The following CNTN3 variants were observed in gnomAD, a reference collection of about 807,000 sequenced individuals.
CNTN3 encodes the protein contactin-3.
In CNTN3, 60 loss-of-function variants were observed where a neutral mutation model predicts 119.1. That is an observed-to-expected ratio of 0.50 (90% CI 0.41 to 0.62). The LOEUF (loss-of-function observed/expected upper bound fraction) is 0.62, where lower values mean the gene tolerates loss of function less well. CNTN3 is among the 20% of genes least tolerant of loss of function. CNTN3 has a pLI of 0.00. For synonymous variants in CNTN3, 450 were observed against 438.7 expected (o/e 1.03, Z -0.32); for missense variants, 1,101 against 1,242.4 (o/e 0.89, Z 1.71).
At chr3:74,448,557 C>A (rs980828494) in intron 4 of CNTN3, among the ~76,000 whole-genome samples, 1 of 152,040 alleles carries the variant, frequency 6.6e-6, no homozygotes, top group African/African-American at 2.4e-5. Context: ...CACCTGCTAA[C>A]CTGAGGAACT....
At chr3:74,550,624 G>C (rs1345015307) in intron 1 of CNTN3, among the ~76,000 whole-genome samples, 1 of 152,058 alleles carries the variant, frequency 6.6e-6, no homozygotes, top group African/African-American at 2.4e-5. Context: ...CTACAGCCTT[G>C]AGCTCCTCAA....
At chr3:74,515,503 A>C (rs921912739) in intron 2 of CNTN3, among the ~76,000 whole-genome samples, 2 of 152,048 alleles carry the variant, frequency 1.3e-5, no homozygotes, top group African/African-American at 4.8e-5. Context: ...CAGTCTCCCA[A>C]ATACTCAGTA....
At chr3:74,461,977 T>C (rs1442885427) in intron 4 of CNTN3, among the ~76,000 whole-genome samples, 5 of 152,040 alleles carry the variant, frequency 3.3e-5, no homozygotes, top group African/African-American at 9.7e-5. Flanking sequence ...CCATTGGGGA[T>C]TGGAGGTGGG....
At chr3:74,468,106 G>T (rs537377420) in intron 4 of CNTN3, among the ~76,000 whole-genome samples, 35 of 152,222 alleles carry the variant, frequency 2.3e-4, no homozygotes, top group African/African-American at 7.5e-4. Flanking sequence ...CAATAAGAAT[G>T]GATTTCACAG....
chr3:74,540,120 T>C (rs1277114828), intron 1 of CNTN3, among the ~76,000 whole-genome samples: 1 of 152,056 alleles, frequency 6.6e-6, no homozygotes, highest in Non-Finnish European at 1.5e-5. Context: ...TTTGAAGAAG[T>C]ATATAGCTGA....
intron 20 of CNTN3, among the ~76,000 whole-genome samples, chr3:74,283,948 T>C (rs7644406): frequency 0.018 from 2,699 of 152,244 alleles, 65 homozygotes; most frequent in African/African-American, 0.059. Flanking sequence ...GTCGGTTGCT[T>C]ACAAATGGGT....
At chr3:74,509,036 G>A (rs533534874) in intron 2 of CNTN3, among the ~76,000 whole-genome samples, 1 of 152,274 alleles carries the variant, frequency 6.6e-6, no homozygotes, top group African/African-American at 2.4e-5. Flanking sequence ...AGGGAGAAGA[G>A]AAATACTGTG....
chr3:74,278,196 C>A (rs921248665), intron 20 of CNTN3, among the ~76,000 whole-genome samples: 5 of 152,084 alleles, frequency 3.3e-5, no homozygotes, highest in African/African-American at 1.2e-4. Context: ...CTACCAAAAA[C>A]AATCTACAAA....
intron 5 of CNTN3, among the ~76,000 whole-genome samples, chr3:74,398,277 A>G (rs1046978923): frequency 6.6e-6 from 1 of 152,184 alleles, no homozygotes; most frequent in Non-Finnish European, 1.5e-5. Context: ...TATTTTAAGA[A>G]ACTGCCACAA....
intron 11 of CNTN3, among the ~76,000 whole-genome samples, chr3:74,339,132 T>G (rs1703468666): frequency 6.6e-6 from 1 of 152,244 alleles, no homozygotes; most frequent in Non-Finnish European, 1.5e-5. Context: ...ATATGGAGAC[T>G]GGAAGTTTTA....
At chr3:74,400,036 A>C (rs1705154159) in intron 5 of CNTN3, among the ~76,000 whole-genome samples, 1 of 152,222 alleles carries the variant, frequency 6.6e-6, no homozygotes, top group African/African-American at 2.4e-5. Flanking sequence ...GTTACACTGA[A>C]GGAATCTTTT....
At chr3:74,336,386 T>A in intron 12 of CNTN3, 145 bp downstream of exon 12, 1 of 833,582 alleles carries the variant, frequency 1.2e-6, no homozygotes, top group Non-Finnish European at 1.9e-6. Context: ...CCCTTGACTT[T>A]CACCTGTTAA....
chr3:74,363,440 C>T (rs981387402), intron 10 of CNTN3, among the ~76,000 whole-genome samples: 2 of 152,126 alleles, frequency 1.3e-5, no homozygotes, highest in African/African-American at 2.4e-5. Flanking sequence ...CACACTGGTC[C>T]TCTACCTCTC....
chr3:74,346,175 A>G (rs886535347), intron 11 of CNTN3, among the ~76,000 whole-genome samples: 1 of 152,174 alleles, frequency 6.6e-6, no homozygotes, highest in Non-Finnish European at 1.5e-5. Context: ...AGTTTATAAA[A>G]TTATCTAAAC....
chr3:74,576,106 C>A (rs1342961031), intron 1 of CNTN3, among the ~76,000 whole-genome samples: 1 of 152,138 alleles, frequency 6.6e-6, no homozygotes, highest in Non-Finnish European at 1.5e-5. Context: ...AAGACCCCTT[C>A]TCCCGCCTCT....
intron 5 of CNTN3, among the ~76,000 whole-genome samples, chr3:74,405,148 A>G (rs1201220691): frequency 2.6e-5 from 4 of 152,052 alleles, no homozygotes; most frequent in African/African-American, 9.7e-5. Context: ...GTATTTATCT[A>G]TATTTTTATC....
intron 11 of CNTN3, among the ~76,000 whole-genome samples, chr3:74,337,099 A>G (rs1376134264): frequency 6.6e-6 from 1 of 152,194 alleles, no homozygotes; most frequent in Non-Finnish European, 1.5e-5. Flanking sequence ...GAGAAGCTGC[A>G]TGTCTTTTAC....
chr3:74,349,937 C>T (rs1482380801), intron 11 of CNTN3, among the ~76,000 whole-genome samples: 1 of 151,984 alleles, frequency 6.6e-6, no homozygotes, highest in East Asian at 1.9e-4. Flanking sequence ...GATTCAAATC[C>T]CCAGCACATT....
chr3:74,340,891 A>G (rs554316902), intron 11 of CNTN3, among the ~76,000 whole-genome samples: 6 of 152,258 alleles, frequency 3.9e-5, no homozygotes, highest in African/African-American at 1.4e-4. Context: ...GGTATCTTCT[A>G]TGCAATGAAT....
Sources: allele counts gnomAD v4.1 joint callset (sites outside exome capture counted in the v4.1 genomes callset), GRCh38; gene constraint gnomAD v4.1.1; transcripts MANE v1.5; gene names NCBI Gene and HGNC (gene_info 2026-07-23, HGNC 2026-07-21).